The following TAF1D variants were observed in gnomAD, a reference collection of about 807,000 sequenced individuals.
The protein encoded by TAF1D is TATA box-binding protein-associated factor RNA polymerase I subunit D.
A neutral mutation model predicts 26.2 loss-of-function variants in TAF1D; 23 were observed. The observed-to-expected ratio is 0.88, with a 90% confidence interval of 0.63 to 1.25. The LOEUF is 1.25. TAF1D is among the 50% of genes most tolerant of loss of function. The pLI, the probability that TAF1D is intolerant of heterozygous loss-of-function variation, is 0.00. For missense variants in TAF1D, 299 were observed against 322.0 expected (o/e 0.93, Z 0.55); for synonymous variants, 100 against 105.6 (o/e 0.95, Z 0.33).
rs1942032285 is a variant in TAF1D at position 93,741,339 on chromosome 11, T to C, written c.-45A>G. The stretch of plus-strand genomic sequence containing the variant: ...CAACCTACCTAAAACGGCCTCGCAG[T>C]GGCCCCAACCGCGCACTTGCTGCTT... On this transcript the variant is annotated 5_prime_UTR_variant, in exon 1 of 6. Coordinates refer to ENST00000448108, the MANE Select transcript of TAF1D (RefSeq NM_024116.4). The C allele has an allele frequency of 2.2e-6, 1 of 456,116 alleles. No individual in the cohort carries two copies. 28.3% of individuals were successfully genotyped at this position (456,116 alleles called of 1,614,324 possible).
downstream of TAF1D, chr11:93,735,205 G>A (rs760390988): frequency 2.2e-6 from 3 of 1,351,828 alleles, no homozygotes; most frequent in South Asian, 1.1e-5. Flanking sequence ...GTAAGTCTTT[G>A]TCCACGTTAA....
chr11:93,735,062 A>C (rs1312732015), downstream of TAF1D: 1 of 1,293,240 alleles, frequency 7.7e-7, no homozygotes, highest in Non-Finnish European at 1.0e-6. Context: ...CCTGGAACCA[A>C]CCTTTATGGC....
At chr11:93,740,436 A>G (rs1029921940) in intron 1 of TAF1D, among the ~76,000 whole-genome samples, 1 of 2,196 alleles carries the variant, frequency 4.6e-4, no homozygotes, top group Non-Finnish European at 3.5e-3. Flanking sequence ...GTCTCAGGAA[A>G]AAAAAAAAAA....
chr11:93,733,104 T>C (rs1191455959), downstream of TAF1D: 7 of 391,092 alleles, frequency 1.8e-5, no homozygotes, highest in Non-Finnish European at 3.5e-5. Context: ...CATGAATGAG[T>C]TCAAATCACA....
Position 93,738,257 on chromosome 11 carries a change from C to T in TAF1D, c.311G>A (p.Arg104Lys), listed in dbSNP as rs373987790. ...CCTTCCTTCTGGTCTTCCCCGTGGT[C>T]TTCCTGTTGGCTGGTACCTCCTCTT... ...KKKRRYQPTG[R>K]PRGRPEGRRN... Residue 104 changes from arginine to lysine, a missense_variant, in exon 3 of 6, where the codon AGA becomes AAA. Transcript: ENST00000448108. 1.2e-5 allele frequency: 20 copies of T among 1,612,704 alleles called. No individual in the cohort carries two copies. The highest frequency in any genetic ancestry group is 1.5e-5 in the Non-Finnish European group (18 of 1,179,742).
intron 1 of TAF1D, 147 bp downstream of exon 1, chr11:93,741,175 G>C: frequency 2.7e-6 from 1 of 370,678 alleles, no homozygotes; most frequent in South Asian, 2.0e-5. Flanking sequence ...GGCGCGGAGT[G>C]GCCTGCGGCC....
chr11:93,738,204 T>C lies in TAF1D; in HGVS notation c.364A>G (p.Lys122Glu). 3 of 1,601,560 alleles carry C rather than the reference T, an allele frequency of 1.9e-6. No individual in the cohort carries two copies. The highest frequency in any genetic ancestry group is 2.5e-6 in the Non-Finnish European group (3 of 1,177,058). Reference sequence around the variant, plus strand: ...CCTCTGCTTCTAAATTGTTTCTTCTTATCTATTAGTGAGTATATAGGATTT... The same window carrying C: ...CCTCTGCTTCTAAATTGTTTCTTCTCATCTATTAGTGAGTATATAGGATTT... Reference protein sequence around the residue: ...RRNPIYSLIDKKKQFRSRGSG... With the variant: ...RRNPIYSLIDEKKQFRSRGSG... Residue 122 changes from lysine (K) to glutamate (E), a missense_variant, in exon 3 of 6, where the codon AAG (lysine) becomes GAG (glutamate). Physicochemically the swap from Lys to Glu is moderately conservative, Grantham distance 56 (BLOSUM62 1). Coordinates refer to ENST00000448108, the MANE Select transcript of TAF1D (RefSeq NM_024116.4).
chr11:93,732,101 T>C (rs1939168879), downstream of TAF1D: 2 of 518,916 alleles, frequency 3.9e-6, no homozygotes, highest in East Asian at 5.4e-5. Flanking sequence ...TTGGACACCA[T>C]GATCAACAGT....
chr11:93,736,303 C>G lies in TAF1D; in HGVS notation c.695G>C (p.Gly232Ala), dbSNP rs1486003006. ...TTCAGAACTTACTATGAAACTATCC[C>G]CCTGCATAAAACAAACAAAAAATCA... ...EDNECDIKLA[G>A]DSFIVSSEFP... is the part of the protein sequence containing the mutation. Residue 232 changes from glycine (G) to alanine (A), a missense_variant and splice_region_variant, in exon 6 of 6, where the codon GGG becomes GCG. Physicochemically the swap from Gly to Ala is moderately conservative, Grantham distance 60 (BLOSUM62 0). Coordinates refer to ENST00000448108, the MANE Select transcript of TAF1D (RefSeq NM_024116.4). The G allele has an allele frequency of 6.3e-7, 1 of 1,599,214 alleles. No individual in the cohort carries two copies. Among genetic ancestry groups the G allele is most frequent in the Non-Finnish European group, 8.5e-7 (1 of 1,176,082 alleles).
downstream of TAF1D, chr11:93,733,356 G>A (rs74537121): frequency 3.7e-5 from 19 of 518,760 alleles, no homozygotes; most frequent in Non-Finnish European, 6.5e-5. Context: ...TTACCTAAGC[G>A]ATCACTCAAG....
rs1006297493 is a variant in TAF1D at position 93,735,961 on chromosome 11, GT to G, written c.*199del. On this transcript the variant is annotated 3_prime_UTR_variant, in exon 6 of 6. Coordinates refer to ENST00000448108, the MANE Select transcript of TAF1D (RefSeq NM_024116.4). ...ATGTATTTTCTCTGGTGTTTTAATG[GT>G]TTTTTTTCTAATTATTACTACTTCA... is the stretch of plus-strand genomic sequence containing the variant. 3.0e-6 allele frequency: 4 copies of G among 1,336,508 alleles called. No homozygotes were observed. Among genetic ancestry groups the G allele is most frequent in the Non-Finnish European group, 3.8e-6 (4 of 1,049,338 alleles). The allele number at this position is 1,336,508 out of a possible 1,614,324, so 82.8% of individuals were successfully genotyped here. A position where few individuals can be genotyped will look rare whatever the true frequency, so the allele number is the denominator to read the frequency against.
downstream of TAF1D, chr11:93,730,935 G>A (rs995723824): frequency 1.0e-5 from 5 of 486,654 alleles, no homozygotes; most frequent in East Asian, 1.7e-4. Flanking sequence ...AAAATCACAT[G>A]TGGTTCACAT....
In TAF1D at chr11:93,735,784, A is replaced by T; in HGVS notation, c.*377T>A. 9.5e-7 allele frequency: 1 copy of T among 1,052,372 alleles called. No homozygotes were observed. The highest frequency in any genetic ancestry group is 1.1e-6 in the Non-Finnish European group (1 of 871,970). The allele number at this position is 1,052,372 out of a possible 1,614,324, so 65.2% of individuals were successfully genotyped here. On this transcript the variant is annotated 3_prime_UTR_variant, in exon 6 of 6. Transcript: ENST00000448108. ...AACAAAGCTGGGATAAAATTACAGC[A>T]TTTCAAATCCCCTCTTCAAGATGGT...
chr11:93,735,959 T>C lies in TAF1D; in HGVS notation c.*202A>G. On this transcript the variant is annotated 3_prime_UTR_variant, in exon 6 of 6. Coordinates refer to ENST00000448108, the MANE Select transcript of TAF1D (RefSeq NM_024116.4). ...CTATGTATTTTCTCTGGTGTTTTAA[T>C]GGTTTTTTTTCTAATTATTACTACT... 2.2e-6 allele frequency: 3 copies of C among 1,336,706 alleles called. No individual in the cohort carries two copies. The highest frequency in any genetic ancestry group is 2.9e-6 in the Non-Finnish European group (3 of 1,049,352). The allele number at this position is 1,336,706 out of a possible 1,614,324, so 82.8% of individuals were successfully genotyped here. A position where few individuals can be genotyped will look rare whatever the true frequency, so the allele number is the denominator to read the frequency against.
chr11:93,731,653 A>C, downstream of TAF1D: 1 of 476,266 alleles, frequency 2.1e-6, no homozygotes, highest in Non-Finnish European at 4.2e-6. Context: ...ATGTTGCAAT[A>C]GCATTGCTAG....
rs1300448643 is a variant in TAF1D at position 93,737,173 on chromosome 11, ATTCT to A, written c.522_525del (p.Lys174AsnfsTer3). On this transcript the variant is annotated frameshift_variant, in exon 4 of 6. Coordinates refer to ENST00000448108, the MANE Select transcript of TAF1D (RefSeq NM_024116.4). LOFTEE classifies it high-confidence loss of function. ...TCACCAACATTCATTTGCTTCAATG[ATTCT>A]TTCAGGTGGTGTTCATACTTCAGTT... The A allele has an allele frequency of 6.8e-6, 11 of 1,612,428 alleles. No individual in the cohort carries two copies. The highest frequency in any genetic ancestry group is 9.3e-6 in the Non-Finnish European group (11 of 1,179,324).
At position 93,735,981 on chromosome 11, in the gene TAF1D, T is replaced by TAC; in HGVS notation, c.*178_*179dup. Reference sequence around the variant, plus strand: ...TAATGGTTTTTTTTCTAATTATTACTACTTCACAAGTTTCTTTCACAAACT... The same window carrying TAC: ...TAATGGTTTTTTTTCTAATTATTACTACACTTCACAAGTTTCTTTCACAAACT... On this transcript the variant is annotated 3_prime_UTR_variant, in exon 6 of 6. Coordinates refer to ENST00000448108, the MANE Select transcript of TAF1D (RefSeq NM_024116.4). 4 of 1,370,946 alleles carry TAC rather than the reference T, an allele frequency of 2.9e-6. No homozygotes were observed. The South Asian group carries it at 6.9e-5, about 24-fold the overall frequency. The allele number at this position is 1,370,946 out of a possible 1,614,324, so 84.9% of individuals were successfully genotyped here. A position where few individuals can be genotyped will look rare whatever the true frequency, so the allele number is the denominator to read the frequency against.
chr11:93,741,311 T>C lies in TAF1D; in HGVS notation c.-28+11A>G, dbSNP rs1171471735. On this transcript the variant is annotated intron_variant, in intron 1 of 5. Coordinates refer to ENST00000448108, the MANE Select transcript of TAF1D (RefSeq NM_024116.4). ...CCAGGCCCGGACGGCCTCGCCCTCT[T>C]AGCAACCTACCTAAAACGGCCTCGC... The C allele has an allele frequency of 2.2e-6, 1 of 456,050 alleles. No homozygotes were observed. Among genetic ancestry groups the C allele is most frequent in the Non-Finnish European group, 4.4e-6 (1 of 226,964 alleles). 28.3% of individuals were successfully genotyped at this position (456,050 alleles called of 1,614,324 possible). A position where few individuals can be genotyped will look rare whatever the true frequency, so the allele number is the denominator to read the frequency against.
chr11:93,741,411 G>A lies in TAF1D; in HGVS notation c.-117C>T, dbSNP rs566870712. 306 of 456,322 alleles carry A rather than the reference G, an allele frequency of 6.7e-4. No individual in the cohort carries two copies. The highest frequency in any genetic ancestry group is 1.1e-3 in the Non-Finnish European group (255 of 226,976). The allele number at this position is 456,322 out of a possible 1,614,324, so 28.3% of individuals were successfully genotyped here. A position where few individuals can be genotyped will look rare whatever the true frequency, so the allele number is the denominator to read the frequency against. On this transcript the variant is annotated 5_prime_UTR_variant, in exon 1 of 6. Transcript: ENST00000448108. ...AACCCGCGACTGGCCTGGTGTCCTA[G>A]AGCTCTGTACACACCACCCTCCCGA...
Sources: gnomAD v4.1 joint callset for allele counts (sites outside exome capture counted in the v4.1 genomes callset) on GRCh38, gnomAD v4.1.1 for gene constraint, MANE v1.5 for transcripts, NCBI Gene and HGNC (gene_info 2026-07-23, HGNC 2026-07-21) for gene names.